NAV3: variants seen among roughly 807,000 people sequenced by gnomAD.
The protein encoded by NAV3 is pore membrane and/or filament interacting like protein 1.
Under a neutral mutation model 244.7 loss-of-function variants are expected in NAV3, and 87 were observed. The observed-to-expected ratio is 0.36, with a 90% CI of 0.30 to 0.42. NAV3 has a LOEUF of 0.42. Ranked by LOEUF, NAV3 falls within the 20% of genes least tolerant of loss-of-function variation. The pLI, the probability that NAV3 is intolerant of heterozygous loss-of-function variation, is 1.00. For synonymous variants in NAV3, 1,126 were observed against 1,042.2 expected (o/e 1.08, Z -1.55); for missense variants, 2,663 against 2,893.3 (o/e 0.92, Z 1.83).
At chr12:77,916,765 A>C (rs1887190248) in intron 1 of NAV3, among the ~76,000 whole-genome samples, 1 of 152,058 alleles carries the variant, frequency 6.6e-6, no homozygotes, top group African/African-American at 2.4e-5. Flanking sequence ...ATTACTGAAA[A>C]TCAAAATACA....
intron 24 of NAV3, among the ~76,000 whole-genome samples, chr12:78,172,393 T>G (rs1565757233): frequency 6.6e-6 from 1 of 151,664 alleles, no homozygotes. Flanking sequence ...ATACAAGGTT[T>G]GGAATTTATA....
Position 78,096,756 on chromosome 12 carries a change from A to T in NAV3, c.2637-20016A>T, listed in dbSNP as rs527262518. Among the ~76,000 whole-genome samples, 6 of 152,236 alleles carry T rather than the reference A, an allele frequency of 3.9e-5. No homozygotes were observed. The East Asian group carries it at 9.7e-4, about 25-fold the overall frequency. On this transcript the variant is annotated intron_variant, in intron 12 of 39. Transcript: ENST00000397909. ...GGGATTATGAGAGCTACAATTCAAG[A>T]TGAGATTTGGGTGGGGATACCGCCA...
intron 2 of NAV3, among the ~76,000 whole-genome samples, chr12:77,766,735 G>GTTTTTTTTTTTTTTTTTTTTTTT (rs748531378): frequency 8.3e-5 from 5 of 60,514 alleles, no homozygotes; most frequent in Admixed American, 7.3e-4. Flanking sequence ...AGGCAATTAA[G>GTTTTTTTTTTTTTTTTTTTTTTT]TTTTTTTTTT....
chr12:77,848,984 C>T (rs1877065034), intron 1 of NAV3, among the ~76,000 whole-genome samples: 1 of 152,120 alleles, frequency 6.6e-6, no homozygotes, highest in Non-Finnish European at 1.5e-5. Context: ...GCTTTTGAGT[C>T]TTTTGGGAAT....
intron 20 of NAV3, among the ~76,000 whole-genome samples, chr12:78,140,881 T>A (rs922895613): frequency 5.0e-4 from 75 of 151,152 alleles, no homozygotes; most frequent in African/African-American, 1.8e-3. Flanking sequence ...TATTTTTATT[T>A]TATTTTATTT....
intron 9 of NAV3, among the ~76,000 whole-genome samples, chr12:78,024,792 G>A (rs916300611): frequency 6.6e-6 from 1 of 151,946 alleles, no homozygotes; most frequent in South Asian, 2.1e-4. Context: ...CCTGGCTAAC[G>A]GTGAGATGCC....
chr12:77,793,759 T>A (rs1464973441), intron 2 of NAV3, among the ~76,000 whole-genome samples: 1 of 152,242 alleles, frequency 6.6e-6, no homozygotes, highest in East Asian at 1.9e-4. Flanking sequence ...GTATTTGCTA[T>A]TGTGAATAGT....
chr12:77,987,311 A>G (rs1870686790), intron 5 of NAV3, among the ~76,000 whole-genome samples: 1 of 152,220 alleles, frequency 6.6e-6, no homozygotes, highest in Non-Finnish European at 1.5e-5. Flanking sequence ...TTTAAGTTCA[A>G]ATTTCAGCAC....
intron 1 of NAV3, among the ~76,000 whole-genome samples, chr12:77,939,310 G>A (rs1786021829): frequency 6.6e-6 from 1 of 152,022 alleles, no homozygotes; most frequent in African/African-American, 2.4e-5. Flanking sequence ...CCCACTGCAA[G>A]GAAGGTCCTT....
intron 1 of NAV3, among the ~76,000 whole-genome samples, chr12:77,889,091 G>C (rs1333314944): frequency 1.3e-5 from 2 of 152,180 alleles, no homozygotes; most frequent in East Asian, 3.9e-4. Context: ...CTGGACAATG[G>C]AGTGCCAAGA....
intron 31 of NAV3, among the ~76,000 whole-genome samples, chr12:78,186,374 A>G (rs1008778026): frequency 4.6e-5 from 7 of 151,924 alleles, no homozygotes; most frequent in Admixed American, 1.3e-4. Flanking sequence ...AAAATTCTTT[A>G]GAATTTTAAA....
intron 2 of NAV3, among the ~76,000 whole-genome samples, chr12:77,645,057 T>C (rs1487722689): frequency 6.6e-6 from 1 of 152,062 alleles, no homozygotes; most frequent in Non-Finnish European, 1.5e-5. Flanking sequence ...AAGGGAAAGT[T>C]TTGTTCACTA....
chr12:77,740,396 A>G (rs1451909974), intron 2 of NAV3, among the ~76,000 whole-genome samples: 1 of 152,130 alleles, frequency 6.6e-6, no homozygotes, highest in Admixed American at 6.6e-5. Flanking sequence ...TTAGACATCA[A>G]AAAGCTTTTT....
intron 2 of NAV3, among the ~76,000 whole-genome samples, chr12:77,705,461 T>A (rs1385820570): frequency 6.6e-6 from 1 of 151,460 alleles, no homozygotes. Flanking sequence ...GGGGATTTTA[T>A]GGGCTAAAAA....
At chr12:78,129,081 T>A (rs980502913) in intron 18 of NAV3, among the ~76,000 whole-genome samples, 4 of 152,148 alleles carry the variant, frequency 2.6e-5, no homozygotes, top group Non-Finnish European at 4.4e-5. Flanking sequence ...TTAACATAGA[T>A]TAATACTGTG....
chr12:78,136,300 A>G (rs575553556), intron 18 of NAV3, among the ~76,000 whole-genome samples: 2 of 152,332 alleles, frequency 1.3e-5, no homozygotes, highest in South Asian at 4.1e-4. Context: ...ATGAGCATTT[A>G]GAATATCTTT....
chr12:77,711,586 G>A (rs1018192217), intron 2 of NAV3, among the ~76,000 whole-genome samples: 3 of 152,174 alleles, frequency 2.0e-5, no homozygotes, highest in Non-Finnish European at 1.5e-5. Flanking sequence ...TATGGAATGC[G>A]GTGTCAGGAG....
Position 77,633,823 on chromosome 12 carries a change from C to T in NAV3, c.72+61557C>T, listed in dbSNP as rs186521722. 2.4e-4 allele frequency among the ~76,000 whole-genome samples: 36 copies of T among 152,098 alleles called. No individual in the cohort carries two copies. The East Asian group carries it at 4.6e-3, about 20-fold the overall frequency. Reference sequence around the variant, plus strand: ...AAATATACTCACTTTATTTGGAAAACGTATTATTAGAATGCTAATTAAAAT... The same window carrying T: ...AAATATACTCACTTTATTTGGAAAATGTATTATTAGAATGCTAATTAAAAT... On this transcript the variant is annotated intron_variant, in intron 2 of 8. Transcript: ENST00000550042.
chr12:77,698,434 T>C (rs1307084942), intron 2 of NAV3, among the ~76,000 whole-genome samples: 4 of 152,232 alleles, frequency 2.6e-5, no homozygotes, highest in Non-Finnish European at 4.4e-5. Flanking sequence ...GTGGAACAGA[T>C]TGTGGGCTGA....
Sources: allele counts gnomAD v4.1 joint callset (sites outside exome capture counted in the v4.1 genomes callset), GRCh38; gene constraint gnomAD v4.1.1; transcripts MANE v1.5; gene names NCBI Gene and HGNC (gene_info 2026-07-23, HGNC 2026-07-21).